The following ULK4 variants were observed in gnomAD, a reference collection of about 807,000 sequenced individuals.
The protein encoded by ULK4 is inactive serine/threonine-protein kinase ULK4.
ULK4 carries 133 observed loss-of-function variants against 160.6 expected under a neutral mutation model. The ratio of observed to expected loss-of-function variants is 0.83; its 90% CI spans 0.72 to 0.96. The LOEUF is 0.96. ULK4 is among the 40% of genes least tolerant of loss of function. The pLI, the probability that ULK4 is intolerant of heterozygous loss-of-function variation, is 0.00. For missense variants in ULK4, 1,580 were observed against 1,499.5 expected, an observed-to-expected ratio of 1.05 and a Z score of -0.89; for synonymous variants, 534 against 539.8, an observed-to-expected ratio of 0.99 and a Z score of 0.15.
At chr3:41,279,255 T>TAAAAAAAAAAAA (rs771175184) in intron 35 of ULK4, among the ~76,000 whole-genome samples, 2 of 43,070 alleles carry the variant, frequency 4.6e-5, no homozygotes, top group African/African-American at 2.5e-4. Context: ...AAAAAAAGAG[T>TAAAAAAAAAAAA]AAAAAAAAAA....
chr3:41,882,033 T>A (rs1342206872), intron 17 of ULK4: 2 of 578,448 alleles, frequency 3.5e-6, no homozygotes, highest in Admixed American at 6.0e-5. Flanking sequence ...GGCCATCACA[T>A]CACCCAGGGT....
At chr3:41,879,584 C>T (rs1697433325) in intron 17 of ULK4, among the ~76,000 whole-genome samples, 1 of 152,108 alleles carries the variant, frequency 6.6e-6, no homozygotes, top group African/African-American at 2.4e-5. Context: ...CAGCCTCAAC[C>T]TCCCAGGGTC....
At chr3:41,861,819 G>A (rs1379930791) in intron 17 of ULK4, among the ~76,000 whole-genome samples, 1 of 151,860 alleles carries the variant, frequency 6.6e-6, no homozygotes, top group African/African-American at 2.4e-5. Flanking sequence ...TTGTAGGCGT[G>A]CTTCTTGTTT....
At chr3:41,695,652 C>T (rs1467753497) in intron 27 of ULK4, among the ~76,000 whole-genome samples, 1 of 152,022 alleles carries the variant, frequency 6.6e-6, no homozygotes, top group Non-Finnish European at 1.5e-5. Context: ...GAATGATGCC[C>T]GCCCAAAGAT....
At chr3:41,864,399 CTCTTTCA>C (rs1371378068) in intron 17 of ULK4, among the ~76,000 whole-genome samples, 2 of 151,108 alleles carry the variant, frequency 1.3e-5, no homozygotes, top group African/African-American at 4.9e-5. Flanking sequence ...TTTTTGGTGC[CTCTTTCA>C]GCGATATGAG....
At chr3:41,730,254 T>C (rs2037779965) in intron 22 of ULK4, among the ~76,000 whole-genome samples, 1 of 151,772 alleles carries the variant, frequency 6.6e-6, no homozygotes, top group South Asian at 2.1e-4. Flanking sequence ...AACAAGAAAC[T>C]AAACCCAACA....
At chr3:41,549,734 G>T (rs1375320384) in intron 32 of ULK4, among the ~76,000 whole-genome samples, 1 of 151,804 alleles carries the variant, frequency 6.6e-6, no homozygotes, top group Non-Finnish European at 1.5e-5. Context: ...CTTCTCTAAG[G>T]CACATTATAG....
At chr3:41,911,423 C>A in intron 10 of ULK4, 37 bp from the exon 11 acceptor site, 2 of 1,608,568 alleles carry the variant, frequency 1.2e-6, no homozygotes, top group South Asian at 1.1e-5. Flanking sequence ...CAGAAAAGAA[C>A]AAAAATATCA....
intron 22 of ULK4, among the ~76,000 whole-genome samples, chr3:41,735,902 T>C (rs2038023507): frequency 7.5e-6 from 1 of 132,636 alleles, no homozygotes; most frequent in African/African-American, 2.9e-5. Flanking sequence ...CCATGTGTTC[T>C]CATTGTTCAA....
At chr3:41,459,227 T>C (rs1316823100) in intron 33 of ULK4, among the ~76,000 whole-genome samples, 2 of 151,580 alleles carry the variant, frequency 1.3e-5, no homozygotes, top group Non-Finnish European at 2.9e-5. Flanking sequence ...AATTTATTTT[T>C]TTATTTTTTT....
chr3:41,292,656 G>GA (rs1192536984), intron 35 of ULK4, among the ~76,000 whole-genome samples: 4 of 151,858 alleles, frequency 2.6e-5, no homozygotes, highest in Non-Finnish European at 4.4e-5. Context: ...AAAAGAAAAA[G>GA]AAAAAAAGAC....
At chr3:41,888,557 G>T (rs527881624) in intron 16 of ULK4, among the ~76,000 whole-genome samples, 1 of 152,164 alleles carries the variant, frequency 6.6e-6, no homozygotes, top group Admixed American at 6.5e-5. Flanking sequence ...AACTGCACAA[G>T]GAACAATTGT....
At chr3:41,606,177 C>T (rs774890899) in intron 31 of ULK4, among the ~76,000 whole-genome samples, 12 of 151,550 alleles carry the variant, frequency 7.9e-5, no homozygotes, top group Non-Finnish European at 7.4e-5. Context: ...TAAGCTTCTA[C>T]ATTAAAAGGA....
At chr3:41,468,570 T>C (rs1448784052) in intron 32 of ULK4, among the ~76,000 whole-genome samples, 4 of 152,192 alleles carry the variant, frequency 2.6e-5, no homozygotes, top group African/African-American at 9.7e-5. Context: ...TATCCACAGA[T>C]ATGAACACTC....
intron 35 of ULK4, among the ~76,000 whole-genome samples, chr3:41,337,094 C>A (rs1180840703): frequency 6.6e-6 from 1 of 152,160 alleles, no homozygotes; most frequent in African/African-American, 2.4e-5. Context: ...AGAGAGACTA[C>A]ATGCCGCATC....
intron 31 of ULK4, among the ~76,000 whole-genome samples, chr3:41,595,687 G>A (rs1301675463): frequency 2.0e-5 from 3 of 152,000 alleles, no homozygotes; most frequent in African/African-American, 7.3e-5. Flanking sequence ...AAGTGAGGGT[G>A]GTCATTTTAT....
In ULK4 at chr3:41,756,391, C is replaced by A. The variant is rs780435277; in HGVS notation, c.2194-1903G>T. 5.4e-4 allele frequency among the ~76,000 whole-genome samples: 82 copies of A among 152,284 alleles called. 1 individual carries two copies. The highest frequency in any genetic ancestry group is 1.0e-3 in the Non-Finnish European group (70 of 68,032). On this transcript the variant is annotated intron_variant, in intron 21 of 36. Coordinates refer to ENST00000301831, the MANE Select transcript of ULK4 (RefSeq NM_017886.4). ...ACCTATAAAATATTCTCAATAGTTA[C>A]ACAACCATTAAAAAGAGGTTAAAAC... is the stretch of plus-strand genomic sequence containing the variant.
chr3:41,824,571 G>A (rs1190826164), intron 18 of ULK4, among the ~76,000 whole-genome samples: 1 of 152,166 alleles, frequency 6.6e-6, no homozygotes, highest in Non-Finnish European at 1.5e-5. Context: ...CTCATTGCTA[G>A]CACAGCAGTC....
chr3:41,432,991 T>G (rs2082948960), intron 34 of ULK4, among the ~76,000 whole-genome samples: 1 of 151,958 alleles, frequency 6.6e-6, no homozygotes, highest in South Asian at 2.1e-4. Context: ...AACTCAAAAC[T>G]CTTAAAGACA....
Sources: allele counts gnomAD v4.1 joint callset (sites outside exome capture counted in the v4.1 genomes callset), GRCh38; gene constraint gnomAD v4.1.1; transcripts MANE v1.5; gene names NCBI Gene and HGNC (gene_info 2026-07-23, HGNC 2026-07-21).